CNTN5: variants seen among roughly 807,000 people sequenced by gnomAD.
The protein encoded by CNTN5 is contactin 5, also known as contactin-5.
Under a neutral mutation model 129.1 loss-of-function variants are expected in CNTN5, and 77 were observed. The ratio of observed to expected loss-of-function variants is 0.60; its 90% CI spans 0.50 to 0.72. CNTN5 has a LOEUF of 0.72. Ranked by LOEUF, CNTN5 falls within the 30% of genes least tolerant of loss-of-function variation. The pLI is 0.00. For synonymous variants in CNTN5, 509 were observed against 465.6 expected, an observed-to-expected ratio of 1.09 and a Z score of -1.20; for missense variants, 1,478 against 1,328.8, an observed-to-expected ratio of 1.11 and a Z score of -1.75.
chr11:99,690,877 C>A (rs1002093406), intron 3 of CNTN5, among the ~76,000 whole-genome samples: 6 of 151,996 alleles, frequency 3.9e-5, no homozygotes, highest in Non-Finnish European at 7.4e-5. Flanking sequence ...CAGCTCTCAG[C>A]CTGTCTGGTC....
At chr11:99,856,557 T>A (rs1370774270) in intron 6 of CNTN5, among the ~76,000 whole-genome samples, 1 of 152,162 alleles carries the variant, frequency 6.6e-6, no homozygotes. Flanking sequence ...GCTCATTCCA[T>A]GGGACTTAAG....
At chr11:99,072,616 G>T (rs6589882) in intron 1 of CNTN5, among the ~76,000 whole-genome samples, 85,110 of 151,832 alleles carry the variant, frequency 0.56, 24,073 homozygotes, top group African/African-American at 0.66. Context: ...CTCACCTAGA[G>T]GTTAGTTCTT....
intron 1 of CNTN5, among the ~76,000 whole-genome samples, chr11:99,060,066 TC>T (rs1864811535): frequency 6.6e-6 from 1 of 152,060 alleles, no homozygotes; most frequent in African/African-American, 2.4e-5. Flanking sequence ...AACATAGCCT[TC>T]TAGACTGGTT....
At chr11:100,087,617 A>G (rs1050444046) in intron 13 of CNTN5, among the ~76,000 whole-genome samples, 3 of 151,958 alleles carry the variant, frequency 2.0e-5, no homozygotes, top group African/African-American at 7.2e-5. Context: ...AATACTAGAG[A>G]ACCCAAATTC....
Position 99,865,609 on chromosome 11 carries a change from T to G in CNTN5, c.577+20347T>G, listed in dbSNP as rs141631930. On this transcript the variant is annotated intron_variant, in intron 6 of 24. Transcript: ENST00000524871. ...TATTTTAAGTAATCTAAACAATTAC[T>G]TACAATGAAGGGAAAATATCAGAAT... 7.7e-3 allele frequency among the ~76,000 whole-genome samples: 1,169 copies of G among 152,146 alleles called. 16 individuals carry two copies. Among genetic ancestry groups the G allele is most frequent in the African/African-American group, 0.027 (1,101 of 41,542 alleles).
chr11:99,744,480 A>T (rs1943982199), intron 3 of CNTN5, among the ~76,000 whole-genome samples: 1 of 143,950 alleles, frequency 6.9e-6, no homozygotes, highest in Admixed American at 7.3e-5. Flanking sequence ...CAACTGGATC[A>T]CTTGAGCCCA....
At chr11:99,758,255 T>C (rs992356272) in intron 3 of CNTN5, among the ~76,000 whole-genome samples, 4 of 152,074 alleles carry the variant, frequency 2.6e-5, no homozygotes, top group Non-Finnish European at 2.9e-5. Context: ...AGTTTCTTTT[T>C]TTATTTAATT....
chr11:99,490,179 A>G (rs2135346451), intron 2 of CNTN5, among the ~76,000 whole-genome samples: 1 of 152,320 alleles, frequency 6.6e-6, no homozygotes, highest in African/African-American at 2.4e-5. Flanking sequence ...TGTGATATTA[A>G]TTAGTCTTAA....
chr11:100,242,722 C>G (rs1424715309), intron 16 of CNTN5, among the ~76,000 whole-genome samples: 2 of 152,084 alleles, frequency 1.3e-5, no homozygotes, highest in Non-Finnish European at 2.9e-5. Context: ...GACCCTACGT[C>G]CAACAATAGG....
intron 2 of CNTN5, among the ~76,000 whole-genome samples, chr11:99,355,264 T>A (rs1938562825): frequency 6.6e-6 from 1 of 152,238 alleles, no homozygotes; most frequent in African/African-American, 2.4e-5. Flanking sequence ...ATAAAGTCAG[T>A]AATTCTTTTT....
At chr11:99,699,518 A>C (rs1954425363) in intron 3 of CNTN5, among the ~76,000 whole-genome samples, 1 of 151,512 alleles carries the variant, frequency 6.6e-6, no homozygotes, top group African/African-American at 2.4e-5. Context: ...GTACTTGAAA[A>C]AGTAATGAAT....
chr11:100,335,102 A>T (rs191827782), intron 21 of CNTN5, among the ~76,000 whole-genome samples: 12 of 152,138 alleles, frequency 7.9e-5, no homozygotes, highest in African/African-American at 2.9e-4. Flanking sequence ...TGTAGTGGGC[A>T]GGGAGATTCA....
intron 2 of CNTN5, among the ~76,000 whole-genome samples, chr11:99,466,074 G>A (rs1565205852): frequency 2.6e-5 from 4 of 151,956 alleles, no homozygotes. Flanking sequence ...AGTAGAGGTG[G>A]GGTTTCACCG....
At chr11:99,658,388 T>C (rs1466820552) in intron 3 of CNTN5, among the ~76,000 whole-genome samples, 1 of 152,194 alleles carries the variant, frequency 6.6e-6, no homozygotes, top group African/African-American at 2.4e-5. Flanking sequence ...ATGCTTCGTG[T>C]AGGCTGTCTG....
intron 2 of CNTN5, among the ~76,000 whole-genome samples, chr11:99,399,443 A>G (rs1207160163): frequency 6.6e-6 from 1 of 151,748 alleles, no homozygotes; most frequent in Non-Finnish European, 1.5e-5. Context: ...ACATTGAGCT[A>G]TATAATAAAC....
intron 1 of CNTN5, among the ~76,000 whole-genome samples, chr11:99,158,127 G>A (rs1860424318): frequency 6.6e-6 from 1 of 152,150 alleles, no homozygotes; most frequent in South Asian, 2.1e-4. Flanking sequence ...ATGAATTTTA[G>A]AGTCATGTAC....
At chr11:99,738,587 A>G (rs1943784789) in intron 3 of CNTN5, among the ~76,000 whole-genome samples, 1 of 150,592 alleles carries the variant, frequency 6.6e-6, no homozygotes, top group African/African-American at 2.4e-5. Context: ...AAGGCAGGCT[A>G]TAAAAATGAT....
At chr11:100,215,215 G>C (rs1949113375) in intron 15 of CNTN5, among the ~76,000 whole-genome samples, 1 of 152,112 alleles carries the variant, frequency 6.6e-6, no homozygotes, top group Admixed American at 6.6e-5. Flanking sequence ...ACATTCCCCA[G>C]AATAGATGTC....
chr11:99,611,301 T>C (rs997094349), intron 3 of CNTN5, among the ~76,000 whole-genome samples: 2 of 152,144 alleles, frequency 1.3e-5, no homozygotes, highest in Non-Finnish European at 2.9e-5. Flanking sequence ...CAGTAACAGA[T>C]ACATTCTAAA....
Sources: allele counts gnomAD v4.1 joint callset (sites outside exome capture counted in the v4.1 genomes callset), GRCh38; gene constraint gnomAD v4.1.1; transcripts MANE v1.5; gene names NCBI Gene and HGNC (gene_info 2026-07-23, HGNC 2026-07-21).